The following AGMO variants were observed in gnomAD, a reference collection of about 807,000 sequenced individuals.
The protein encoded by AGMO is alkylglycerol monooxygenase, also known as glyceryl-ether monooxygenase.
A neutral mutation model predicts 60.2 loss-of-function variants in AGMO; 75 were observed. That is an observed-to-expected ratio of 1.25 (90% confidence interval 1.03 to 1.51). The LOEUF is 1.51. Among genes scored for constraint, AGMO ranks in the 40% most tolerant of loss-of-function variants. The pLI is 0.00. For missense variants in AGMO, 763 were observed against 525.5 expected (o/e 1.45, Z -4.42); for synonymous variants, 261 against 177.1 (o/e 1.47, Z -3.76).
chr7:15,409,024 G>A (rs1784773746), intron 5 of AGMO, among the ~76,000 whole-genome samples: 1 of 151,722 alleles, frequency 6.6e-6, no homozygotes, highest in South Asian at 2.1e-4. Context: ...ATGGAAAACG[G>A]TCCAGTATTA....
chr7:15,317,880 TAC>T (rs1203357507), intron 12 of AGMO, among the ~76,000 whole-genome samples: 4 of 149,192 alleles, frequency 2.7e-5, no homozygotes, highest in East Asian at 3.9e-4. Flanking sequence ...TATATATATA[TAC>T]ACACGTATAT....
At chr7:15,259,102 A>G (rs62450275) in intron 12 of AGMO, among the ~76,000 whole-genome samples, 32,150 of 151,984 alleles carry the variant, frequency 0.21, 3,442 homozygotes, top group Middle Eastern at 0.26. Flanking sequence ...AGTCGATTAC[A>G]AAGCTAACCA....
At chr7:15,543,735 C>T (rs1233064017) in intron 3 of AGMO, among the ~76,000 whole-genome samples, 1 of 151,942 alleles carries the variant, frequency 6.6e-6, no homozygotes, top group Non-Finnish European at 1.5e-5. Context: ...TATAAACATG[C>T]ATGTGCAAGT....
At chr7:15,291,203 G>T (rs1583370393) in intron 12 of AGMO, among the ~76,000 whole-genome samples, 1 of 152,070 alleles carries the variant, frequency 6.6e-6, no homozygotes, top group Non-Finnish European at 1.5e-5. Flanking sequence ...AAATTAAAAT[G>T]TTTGTGGTTA....
chr7:15,302,825 T>A (rs1011982993), intron 12 of AGMO, among the ~76,000 whole-genome samples: 5 of 152,166 alleles, frequency 3.3e-5, no homozygotes, highest in Admixed American at 6.6e-5. Flanking sequence ...CAACTAGAGT[T>A]AAGCTTCATA....
intron 3 of AGMO, among the ~76,000 whole-genome samples, chr7:15,512,014 A>G (rs367996729): frequency 6.8e-6 from 1 of 146,492 alleles, no homozygotes; most frequent in Non-Finnish European, 1.5e-5. Flanking sequence ...AATACACACA[A>G]AAAAAAAAAA....
At chr7:15,499,692 C>T (rs144429267) in intron 3 of AGMO, among the ~76,000 whole-genome samples, 11 of 151,630 alleles carry the variant, frequency 7.3e-5, no homozygotes, top group African/African-American at 1.7e-4. Flanking sequence ...GATATATGCA[C>T]GAGGCTATTT....
chr7:15,400,140 C>G (rs1195773592), intron 5 of AGMO, among the ~76,000 whole-genome samples: 9 of 152,168 alleles, frequency 5.9e-5, no homozygotes, highest in Admixed American at 3.9e-4. Context: ...CTCTGTGTCT[C>G]TCAGGTCACA....
chr7:15,365,486 C>G, intron 12 of AGMO, 28 bp downstream of exon 12: 1 of 1,501,710 alleles, frequency 6.7e-7, no homozygotes, highest in Non-Finnish European at 9.2e-7. Flanking sequence ...TATACGCCAT[C>G]CTGTGGCTAC....
At position 15,234,569 on chromosome 7, in the gene AGMO, T is replaced by C. The variant is rs75505157; in HGVS notation, c.1264-33210A>G. ...TTGTTTTTGTGTTTTTCTTATAGCA[T>C]AAAATCTTAAAGTTGTTGATCTATA... On this transcript the variant is annotated intron_variant, in intron 12 of 12. Coordinates refer to ENST00000342526, the MANE Select transcript of AGMO (RefSeq NM_001004320.2). 7.1e-3 allele frequency among the ~76,000 whole-genome samples: 1,081 copies of C among 152,290 alleles called. 7 individuals carry two copies. The highest frequency in any genetic ancestry group is 0.024 in the African/African-American group (1,006 of 41,556).
chr7:15,369,256 C>A (rs1356036866), intron 10 of AGMO, among the ~76,000 whole-genome samples: 2 of 152,152 alleles, frequency 1.3e-5, no homozygotes, highest in South Asian at 4.1e-4. Context: ...TGTCCACCTA[C>A]CACAGCCCCC....
At chr7:15,217,624 GAT>G (rs1412775748) in intron 12 of AGMO, among the ~76,000 whole-genome samples, 1 of 151,742 alleles carries the variant, frequency 6.6e-6, no homozygotes, top group East Asian at 1.9e-4. Context: ...TAAAATATAA[GAT>G]ATTGAAATTA....
intron 12 of AGMO, among the ~76,000 whole-genome samples, chr7:15,322,790 G>C (rs1476080447): frequency 1.5e-5 from 2 of 134,544 alleles, no homozygotes; most frequent in Non-Finnish European, 3.1e-5. Flanking sequence ...CTCCTTTCCT[G>C]ATACAGGAAA....
chr7:15,357,017 A>C (rs1044550351), intron 12 of AGMO, among the ~76,000 whole-genome samples: 8 of 151,180 alleles, frequency 5.3e-5, no homozygotes, highest in African/African-American at 1.9e-4. Context: ...CCAGCTACTC[A>C]GGAGGCTGAG....
intron 10 of AGMO, among the ~76,000 whole-genome samples, chr7:15,382,972 G>T (rs1318710229): frequency 6.6e-6 from 1 of 151,370 alleles, no homozygotes; most frequent in Non-Finnish European, 1.5e-5. Flanking sequence ...GAGCCTATTT[G>T]CCTTTTTCTA....
At chr7:15,411,786 CA>C (rs1468376199) in intron 5 of AGMO, among the ~76,000 whole-genome samples, 1 of 151,884 alleles carries the variant, frequency 6.6e-6, no homozygotes, top group African/African-American at 2.4e-5. Flanking sequence ...AAATACATAT[CA>C]CAAATAGTAT....
intron 12 of AGMO, among the ~76,000 whole-genome samples, chr7:15,239,495 G>T (rs1198545872): frequency 6.6e-6 from 1 of 152,078 alleles, no homozygotes. Context: ...CTCTATGAAG[G>T]TTAGGTAATT....
chr7:15,389,608 C>T (rs550252653), intron 8 of AGMO, among the ~76,000 whole-genome samples: 26 of 152,126 alleles, frequency 1.7e-4, no homozygotes, highest in African/African-American at 6.3e-4. Context: ...TGTTATGGCC[C>T]TTTACGTAAA....
chr7:15,411,439 C>G (rs565310257), intron 5 of AGMO, among the ~76,000 whole-genome samples: 5 of 152,074 alleles, frequency 3.3e-5, no homozygotes, highest in African/African-American at 1.2e-4. Flanking sequence ...CAAACTCAGG[C>G]ACTTTAATCC....
Sources: allele counts gnomAD v4.1 joint callset (sites outside exome capture counted in the v4.1 genomes callset), GRCh38; gene constraint gnomAD v4.1.1; transcripts MANE v1.5; gene names NCBI Gene and HGNC (gene_info 2026-07-23, HGNC 2026-07-21).